The following CYTH1 variants were observed in gnomAD, a reference collection of about 807,000 sequenced individuals.
The protein encoded by CYTH1 is cytohesin-1.
Under a neutral mutation model 61.8 loss-of-function variants are expected in CYTH1, and 18 were observed. That is an observed-to-expected ratio of 0.29 (90% CI 0.20 to 0.43). The LOEUF (loss-of-function observed/expected upper bound fraction) is 0.43. Among genes scored for constraint, CYTH1 ranks in the 20% least tolerant of loss-of-function variants. The pLI is 1.00. For synonymous variants in CYTH1, 174 were observed against 184.3 expected (o/e 0.94, Z 0.45); for missense variants, 336 against 510.5 (o/e 0.66, Z 3.29).
chr17:78,774,281 C>A (rs1041709243), intron 1 of CYTH1, among the ~76,000 whole-genome samples: 1 of 152,182 alleles, frequency 6.6e-6, no homozygotes, highest in African/African-American at 2.4e-5. Flanking sequence ...ATAATTATGG[C>A]AACCTTATGT....
intron 1 of CYTH1, among the ~76,000 whole-genome samples, chr17:78,746,547 T>C (rs1475883600): frequency 6.6e-6 from 1 of 152,202 alleles, no homozygotes; most frequent in Non-Finnish European, 1.5e-5. Context: ...CATGGTAACC[T>C]GAGATTCTCT....
At chr17:78,779,177 G>A (rs2093506012) in intron 1 of CYTH1, among the ~76,000 whole-genome samples, 1 of 152,098 alleles carries the variant, frequency 6.6e-6, no homozygotes, top group Admixed American at 6.5e-5. Context: ...TAGGCAGGCA[G>A]ATCACCTGAG....
At chr17:78,723,323 T>A (rs527699632) in intron 1 of CYTH1, 123 of 152,700 alleles carry the variant, frequency 8.1e-4, no homozygotes, top group African/African-American at 2.9e-3. Flanking sequence ...GGTGGCTCCG[T>A]GCAGCGACCC....
chr17:78,761,021 A>G (rs899500318), intron 1 of CYTH1, among the ~76,000 whole-genome samples: 2 of 152,048 alleles, frequency 1.3e-5, no homozygotes, highest in Non-Finnish European at 2.9e-5. Context: ...TTTTTTGTAG[A>G]GACAGAGTTT....
intron 1 of CYTH1, among the ~76,000 whole-genome samples, chr17:78,772,262 A>T (rs887006268): frequency 6.6e-6 from 1 of 152,190 alleles, no homozygotes; most frequent in Non-Finnish European, 1.5e-5. Flanking sequence ...CTCAAGTTGA[A>T]GTCTTCCACC....
intron 7 of CYTH1, among the ~76,000 whole-genome samples, chr17:78,699,193 C>T (rs1188101489): frequency 3.3e-5 from 5 of 151,986 alleles, no homozygotes; most frequent in African/African-American, 9.7e-5. Context: ...GGTGAAAACC[C>T]GTCTCTACTA....
chr17:78,716,057 A>G (rs2093178054), intron 1 of CYTH1, among the ~76,000 whole-genome samples: 1 of 152,166 alleles, frequency 6.6e-6, no homozygotes, highest in South Asian at 2.1e-4. Context: ...AAATCCAGGA[A>G]CTGAAAATTG....
At position 78,676,158 on chromosome 17, in the gene CYTH1, C is replaced by G. The variant is rs374248686; in HGVS notation, c.1130G>C (p.Ser377Thr). The change falls in exon 14 of 14, where the codon AGC becomes ACC. Residue 377 changes from serine (S) to threonine (T), a missense_variant. Ser to Thr is a moderately conservative substitution (Grantham distance 58). Around this residue, in one of 4 missense-constraint regions of CYTH1, gnomAD observed 83 missense variants for 115.6 expected, o/e 0.72. Transcript: ENST00000446868. Reference sequence around the variant, plus strand: ...GAGCATTTCGTAGAAAGGGTCCCTGCTGATGGCTGCTCTGGAGCACAGAAA... The same window carrying G: ...GAGCATTTCGTAGAAAGGGTCCCTGGTGATGGCTGCTCTGGAGCACAGAAA... ...EWIKCIKAAISRDPFYEMLAA... is the reference protein window; with the variant it reads ...EWIKCIKAAITRDPFYEMLAA... The G allele has an allele frequency of 6.2e-7, 1 of 1,608,822 alleles. No individual in the cohort carries two copies. The highest frequency in any genetic ancestry group is 8.5e-7 in the Non-Finnish European group (1 of 1,177,840).
At chr17:78,732,219 A>G (rs2093298671) in intron 1 of CYTH1, among the ~76,000 whole-genome samples, 1 of 152,168 alleles carries the variant, frequency 6.6e-6, no homozygotes, top group Admixed American at 6.5e-5. Context: ...CTCTCCACCG[A>G]TACTGACATC....
chr17:78,763,596 CATT>C (rs1393604949), intron 1 of CYTH1, among the ~76,000 whole-genome samples: 3 of 151,670 alleles, frequency 2.0e-5, no homozygotes, highest in African/African-American at 7.3e-5. Flanking sequence ...TAATAAAGAA[CATT>C]ATAATAAATA....
intron 10 of CYTH1, among the ~76,000 whole-genome samples, chr17:78,693,019 T>C (rs1027305219): frequency 2.0e-5 from 3 of 152,128 alleles, no homozygotes; most frequent in African/African-American, 7.2e-5. Context: ...ATCCCCATGG[T>C]TCTACTCTCT....
At chr17:78,768,809 C>T (rs1051032532) in intron 1 of CYTH1, among the ~76,000 whole-genome samples, 11 of 152,030 alleles carry the variant, frequency 7.2e-5, no homozygotes, top group African/African-American at 2.4e-4. Context: ...TCCTTGCCTC[C>T]ACCTGCTTCC....
At chr17:78,756,989 T>TC (rs1491466731) in intron 1 of CYTH1, among the ~76,000 whole-genome samples, 3 of 132,194 alleles carry the variant, frequency 2.3e-5, no homozygotes, top group Non-Finnish European at 4.8e-5. Context: ...CTTTTTTTTC[T>TC]TTTTTTTTTT....
intron 1 of CYTH1, among the ~76,000 whole-genome samples, chr17:78,767,968 T>C (rs1161409513): frequency 6.6e-6 from 1 of 152,158 alleles, no homozygotes; most frequent in Non-Finnish European, 1.5e-5. Flanking sequence ...CAAAAACACA[T>C]ATAGTCTGCA....
chr17:78,752,580 G>A (rs530197702), intron 1 of CYTH1, among the ~76,000 whole-genome samples: 6 of 152,138 alleles, frequency 3.9e-5, no homozygotes, highest in Admixed American at 1.3e-4. Context: ...CTACAGGTGC[G>A]CGCCACCACG....
At chr17:78,718,347 C>T (rs1261446059) in intron 1 of CYTH1, among the ~76,000 whole-genome samples, 1 of 151,932 alleles carries the variant, frequency 6.6e-6, no homozygotes, top group African/African-American at 2.4e-5. Flanking sequence ...TTTTCTACAG[C>T]CTCTACAGAA....
intron 4 of CYTH1, 141 bp from the exon 5 acceptor site, chr17:78,702,381 G>T: frequency 2.0e-6 from 2 of 1,007,244 alleles, no homozygotes; most frequent in Non-Finnish European, 3.0e-6. Context: ...AAGCCGGGGA[G>T]TCACAGTTTA....
At chr17:78,760,174 T>G (rs1346465466) in intron 1 of CYTH1, among the ~76,000 whole-genome samples, 1 of 151,466 alleles carries the variant, frequency 6.6e-6, no homozygotes, top group African/African-American at 2.4e-5. Context: ...ACAAACCACT[T>G]CTGCATGTTC....
chr17:78,683,211 C>T (rs760626037), intron 11 of CYTH1, among the ~76,000 whole-genome samples: 50 of 152,216 alleles, frequency 3.3e-4, no homozygotes, highest in Non-Finnish European at 6.0e-4. Context: ...TCACCTGAGA[C>T]GGCTGAGTCT....
Sources: allele counts gnomAD v4.1 joint callset (sites outside exome capture counted in the v4.1 genomes callset), GRCh38; gene constraint gnomAD v4.1.1; regional missense constraint gnomAD v4.1.1; transcripts MANE v1.5; gene names NCBI Gene and HGNC (gene_info 2026-07-23, HGNC 2026-07-21).